Variants in TCEA1 observed in about 807,000 individuals in gnomAD.
TCEA1 encodes the protein transcription elongation factor A protein 1.
A neutral mutation model predicts 43.8 loss-of-function variants in TCEA1; 21 were observed. The ratio of observed to expected loss-of-function variants is 0.48; its 90% CI spans 0.34 to 0.69. TCEA1 has a LOEUF of 0.69. Ranked by LOEUF, TCEA1 falls within the 30% of genes least tolerant of loss-of-function variation. TCEA1 has a pLI of 0.01. For missense variants in TCEA1, 250 were observed against 365.1 expected (o/e 0.68, Z 2.57); for synonymous variants, 104 against 117.5 (o/e 0.88, Z 0.75).
chr8:54,016,061 C>G (rs937159009), intron 1 of TCEA1, among the ~76,000 whole-genome samples: 1 of 152,204 alleles, frequency 6.6e-6, no homozygotes, highest in African/African-American at 2.4e-5. Context: ...TCCTCACACA[C>G]TGCTAGTTGG....
Position 54,000,024 on chromosome 8 carries a change from A to G in TCEA1, c.153T>C (p.Asn51=), listed in dbSNP as rs751447072. ...CATCTGTACTCTGCTTGCGAATAGC[A>G]TTAACTGACATTCCGATTCTTGTGG... ...LQSTRIGMSV[N]AIRKQSTDEE... The change falls in exon 3 of 10, where the codon AAT becomes AAC. Residue 51 remains asparagine (N), a synonymous_variant. Coordinates refer to ENST00000521604, the MANE Select transcript of TCEA1 (RefSeq NM_006756.4). The G allele has an allele frequency of 6.3e-7, 1 of 1,592,158 alleles. No individual in the cohort carries two copies. Among genetic ancestry groups the G allele is most frequent in the Non-Finnish European group, 8.6e-7 (1 of 1,168,762 alleles).
intron 1 of TCEA1, among the ~76,000 whole-genome samples, chr8:54,015,360 G>A (rs905087031): frequency 3.9e-5 from 6 of 151,918 alleles, no homozygotes; most frequent in African/African-American, 9.7e-5. Context: ...AGTAGAGATG[G>A]GGTTTCACTA....
intron 1 of TCEA1, among the ~76,000 whole-genome samples, chr8:54,015,736 C>A (rs1226881791): frequency 6.6e-6 from 1 of 152,100 alleles, no homozygotes; most frequent in Non-Finnish European, 1.5e-5. Context: ...TTCTAGTATT[C>A]AGAATATAAA....
chr8:53,988,523 T>C (rs568514789), intron 4 of TCEA1, among the ~76,000 whole-genome samples: 1 of 152,326 alleles, frequency 6.6e-6, no homozygotes, highest in South Asian at 2.1e-4. Flanking sequence ...TAAGCAATAT[T>C]TTTAATAGAG....
rs1331083762 is a variant in TCEA1 at position 53,999,004 on chromosome 8, AG to A, written c.232+940del. On this transcript the variant is annotated intron_variant, in intron 3 of 9. Transcript: ENST00000521604. ...AGCACTTTGGGAGGCCAAGGCGGGC[AG>A]ATCACAAGGTCAGGTGATCGAGACC... 3.3e-5 allele frequency among the ~76,000 whole-genome samples: 5 copies of A among 152,272 alleles called. No homozygotes were observed. In the East Asian group the frequency reaches 9.7e-4, roughly 29 times the overall value.
At chr8:54,021,786 C>A in intron 1 of TCEA1, 1 of 324,228 alleles carries the variant, frequency 3.1e-6, no homozygotes, top group Non-Finnish European at 5.5e-6. Flanking sequence ...TTAAAGTCAA[C>A]GGAGAGCGTG....
intron 7 of TCEA1, among the ~76,000 whole-genome samples, chr8:53,981,778 G>T (rs1585997256): frequency 6.6e-6 from 1 of 150,852 alleles, no homozygotes; most frequent in South Asian, 2.1e-4. Context: ...TTTGAGACAG[G>T]ATTTCACTCT....
chr8:53,972,221 AG>A (rs11360052), intron 8 of TCEA1: 13,461 of 345,828 alleles, frequency 0.039, 791 homozygotes, highest in African/African-American at 0.18. Context: ...TTAGTAAAAC[AG>A]GAAGTGATGA....
chr8:53,985,817 C>T (rs1803674371), intron 6 of TCEA1, among the ~76,000 whole-genome samples: 1 of 152,178 alleles, frequency 6.6e-6, no homozygotes, highest in Admixed American at 6.6e-5. Flanking sequence ...CTCTGAGGTC[C>T]CCCTAACTGA....
At chr8:53,995,938 T>C (rs991342943) in intron 3 of TCEA1, among the ~76,000 whole-genome samples, 3 of 152,218 alleles carry the variant, frequency 2.0e-5, no homozygotes, top group Non-Finnish European at 4.4e-5. Context: ...TTACTGCTCC[T>C]TGTTATTCTC....
chr8:54,002,848 A>T, intron 2 of TCEA1: 1 of 454,468 alleles, frequency 2.2e-6, no homozygotes, highest in Non-Finnish European at 4.4e-6. Context: ...GCCTTTGCCT[A>T]TGATTTCTAT....
intron 3 of TCEA1, among the ~76,000 whole-genome samples, chr8:53,994,663 T>G (rs907535694): frequency 2.6e-5 from 4 of 151,572 alleles, no homozygotes; most frequent in Non-Finnish European, 5.9e-5. Flanking sequence ...GGTCAGGAGA[T>G]CAAGATCATC....
rs1803011237 is a variant in TCEA1 at position 53,967,186 on chromosome 8, C to T, written c.*918G>A. ...AATTATACAATCCTTAAGATTAATCCTTGGTCAGTATAGATTTCCGAATCA... is the reference window on the plus strand; with the variant it reads ...AATTATACAATCCTTAAGATTAATCTTTGGTCAGTATAGATTTCCGAATCA... On this transcript the variant is annotated 3_prime_UTR_variant, in exon 10 of 10. Transcript: ENST00000521604. The T allele has an allele frequency of 4.9e-6, 1 of 205,246 alleles. No homozygotes were observed. The highest frequency in any genetic ancestry group is 7.5e-5 in the East Asian group (1 of 13,280). 12.7% of individuals were successfully genotyped at this position (205,246 alleles called of 1,614,324 possible).
intron 5 of TCEA1, 70 bp downstream of exon 5, chr8:53,988,044 A>G (rs746785214): frequency 3.4e-5 from 53 of 1,552,256 alleles, no homozygotes; most frequent in Non-Finnish European, 4.5e-5. Context: ...AAACAGCAAT[A>G]TGGAGTTGGA....
At chr8:54,006,772 G>A (rs1392923124) in intron 2 of TCEA1, among the ~76,000 whole-genome samples, 1 of 152,194 alleles carries the variant, frequency 6.6e-6, no homozygotes, top group African/African-American at 2.4e-5. Context: ...CCTGAACTCA[G>A]AAGGTAGGAC....
chr8:53,986,934 A>G, intron 6 of TCEA1, 35 bp downstream of exon 6: 7 of 1,513,602 alleles, frequency 4.6e-6, no homozygotes, highest in Non-Finnish European at 6.2e-6. Flanking sequence ...TTACTTATTA[A>G]AAAAAACAAT....
intron 7 of TCEA1, 91 bp downstream of exon 7, chr8:53,984,272 A>C: frequency 8.5e-7 from 1 of 1,174,548 alleles, no homozygotes; most frequent in Non-Finnish European, 1.2e-6. Context: ...TTACATATGC[A>C]ATATTTATAT....
rs1804202309 is a variant in TCEA1, at chr8:53,999,939, T to C, written c.232+6A>G. The C allele has an allele frequency of 1.3e-6, 2 of 1,518,756 alleles. No individual in the cohort carries two copies. The highest frequency in any genetic ancestry group is 1.7e-4 in the Middle Eastern group (1 of 5,932). 94.1% of individuals were successfully genotyped at this position (1,518,756 alleles called of 1,614,324 possible). ...ATAAATATATGTAAGGGAAGATCAA[T>C]GATACCTAATAATTTTTTCCAGGAT... On this transcript the variant is annotated splice_donor_region_variant and intron_variant, in intron 3 of 9. Coordinates refer to ENST00000521604, the MANE Select transcript of TCEA1 (RefSeq NM_006756.4).
At chr8:54,014,571 T>C (rs1252034177) in intron 1 of TCEA1, among the ~76,000 whole-genome samples, 2 of 152,256 alleles carry the variant, frequency 1.3e-5, no homozygotes, top group Admixed American at 1.3e-4. Flanking sequence ...TTCACACTAC[T>C]GGCTGAAAGA....
Sources: allele counts gnomAD v4.1 joint callset (sites outside exome capture counted in the v4.1 genomes callset), GRCh38; gene constraint gnomAD v4.1.1; transcripts MANE v1.5; gene names NCBI Gene and HGNC (gene_info 2026-07-23, HGNC 2026-07-21).